FKBP1B: variants seen among roughly 807,000 people sequenced by gnomAD.
FKBP1B encodes FKBP prolyl isomerase 1B.
In FKBP1B, 4 loss-of-function variants were observed where a neutral mutation model predicts 13.5. That is an observed-to-expected ratio of 0.30 (90% CI 0.15 to 0.68). The LOEUF (loss-of-function observed/expected upper bound fraction) is 0.68. Among genes scored for constraint, FKBP1B ranks in the 30% least tolerant of loss-of-function variants. FKBP1B has a pLI of 0.76. For missense variants in FKBP1B, 93 were observed against 136.2 expected (o/e 0.68, Z 1.58); for synonymous variants, 54 against 53.6 (o/e 1.01, Z -0.03).
chr2:24,045,394 G>C (rs2150955645), upstream of FKBP1B, among the ~76,000 whole-genome samples: 1 of 150,134 alleles, frequency 6.7e-6, no homozygotes, highest in East Asian at 2.0e-4. Context: ...CTGAGGTCAG[G>C]AGTTCGACAC....
chr2:24,042,204 C>A, the FKBP1B span, among the ~76,000 whole-genome samples: 1 of 151,716 alleles, frequency 6.6e-6, no homozygotes, highest in South Asian at 2.1e-4. Context: ...GAGCTCAAAA[C>A]CAGCCTGACC....
At chr2:24,062,166 T>C (rs1160353378) in intron 3 of FKBP1B, among the ~76,000 whole-genome samples, 2 of 151,758 alleles carry the variant, frequency 1.3e-5, no homozygotes, top group East Asian at 3.9e-4. Flanking sequence ...GCCTGTTTTT[T>C]GTTTTTTATT....
At chr2:24,042,394 GGT>G in the FKBP1B span, among the ~76,000 whole-genome samples, 2 of 152,060 alleles carry the variant, frequency 1.3e-5, no homozygotes, top group South Asian at 2.1e-4. Context: ...AAATTAGCCA[GGT>G]GTGTTGGCGG....
At chr2:24,054,268 A>T (rs745647601) in intron 2 of FKBP1B, 3 of 528,480 alleles carry the variant, frequency 5.7e-6, no homozygotes, top group Non-Finnish European at 1.1e-5. Context: ...GGTCTGTCTG[A>T]TATTTGGAAA....
intron 2 of FKBP1B, among the ~76,000 whole-genome samples, chr2:24,057,374 T>G (rs12999050): frequency 2.7e-4 from 37 of 134,622 alleles, no homozygotes; most frequent in Admixed American, 1.9e-3. Flanking sequence ...TTTTTTTTGG[T>G]TTTTTTTTGT....
upstream of FKBP1B, chr2:24,045,803 A>G (rs576325712): frequency 6.6e-6 from 1 of 152,162 alleles, no homozygotes; most frequent in African/African-American, 2.4e-5. Flanking sequence ...GGAGACCCCA[A>G]TTCTACAGAA....
chr2:24,038,390 C>G, the FKBP1B span: 1 of 1,614,144 alleles, frequency 6.2e-7, no homozygotes, highest in African/African-American at 1.3e-5. Context: ...GATGGAATGA[C>G]AGAGTAGATC....
At chr2:24,040,754 C>A in the FKBP1B span, among the ~76,000 whole-genome samples, 3 of 152,210 alleles carry the variant, frequency 2.0e-5, no homozygotes, top group Non-Finnish European at 4.4e-5. Context: ...TGGTGACTCA[C>A]GCCTATAATC....
chr2:24,059,993 C>CA (rs1250667379), intron 2 of FKBP1B, among the ~76,000 whole-genome samples: 8 of 148,282 alleles, frequency 5.4e-5, no homozygotes, highest in African/African-American at 2.0e-4. Context: ...AAGGGGAGAA[C>CA]AGAGAGGGTT....
intron 2 of FKBP1B, among the ~76,000 whole-genome samples, chr2:24,059,195 G>A (rs371571009): frequency 3.5e-4 from 54 of 152,154 alleles, no homozygotes; most frequent in Non-Finnish European, 6.0e-4. Flanking sequence ...AGGGACTGCC[G>A]GGAGCAGTCG....
Position 24,049,894 on chromosome 2 carries a change from G to A in FKBP1B, c.37+8G>A. The A allele has an allele frequency of 7.1e-7, 1 of 1,408,552 alleles. No homozygotes were observed. Among genetic ancestry groups the A allele is most frequent in the South Asian group, 1.5e-5 (1 of 67,568 alleles). The allele number at this position is 1,408,552 out of a possible 1,614,324, so 87.3% of individuals were successfully genotyped here. The stretch of plus-strand genomic sequence containing the variant: ...CCATCTCCCCCGGAGACGGTACCGG[G>A]CTCCCTCCGGAGCCAGGGGAGGGGA... On this transcript the variant is annotated splice_region_variant and intron_variant, in intron 1 of 3. Coordinates refer to ENST00000380986, the MANE Select transcript of FKBP1B (RefSeq NM_004116.5).
At chr2:24,046,262 A>C (rs1462877543), upstream of FKBP1B, among the ~76,000 whole-genome samples, 2 of 152,220 alleles carry the variant, frequency 1.3e-5, no homozygotes, top group African/African-American at 2.4e-5. Flanking sequence ...CATAGGGTTA[A>C]TCATTAAAGT....
intron 2 of FKBP1B, among the ~76,000 whole-genome samples, chr2:24,060,342 A>G (rs1264250228): frequency 6.6e-6 from 1 of 152,134 alleles, no homozygotes; most frequent in African/African-American, 2.4e-5. Context: ...CCTGCAGTTC[A>G]GGAGTTCAAG....
the FKBP1B span, among the ~76,000 whole-genome samples, chr2:24,035,608 A>G: frequency 6.6e-6 from 1 of 152,120 alleles, no homozygotes; most frequent in Non-Finnish European, 1.5e-5. Flanking sequence ...TATAAATAAA[A>G]TAATTTTAAA....
Position 24,049,890 on chromosome 2 carries a change from C to T in FKBP1B, c.37+4C>T. The T allele has an allele frequency of 7.1e-7, 1 of 1,409,108 alleles. No individual in the cohort carries two copies. The highest frequency in any genetic ancestry group is 9.3e-7 in the Non-Finnish European group (1 of 1,079,764). The allele number at this position is 1,409,108 out of a possible 1,614,324, so 87.3% of individuals were successfully genotyped here. ...GAGACCATCTCCCCCGGAGACGGTA[C>T]CGGGCTCCCTCCGGAGCCAGGGGAG... On this transcript the variant is annotated splice_donor_region_variant and intron_variant, in intron 1 of 3. Coordinates refer to ENST00000380986, the MANE Select transcript of FKBP1B (RefSeq NM_004116.5).
At chr2:24,058,650 G>C (rs1664244369) in intron 2 of FKBP1B, among the ~76,000 whole-genome samples, 1 of 152,232 alleles carries the variant, frequency 6.6e-6, no homozygotes, top group African/African-American at 2.4e-5. Flanking sequence ...GTGCATATTT[G>C]TACAAGTATG....
At chr2:24,038,803 A>C in the FKBP1B span, 2 of 1,614,220 alleles carry the variant, frequency 1.2e-6, no homozygotes, top group South Asian at 2.2e-5. Flanking sequence ...AGATGCATTT[A>C]AGCCACAGAT....
upstream of FKBP1B, chr2:24,049,557 G>A: frequency 3.1e-6 from 1 of 322,000 alleles, no homozygotes; most frequent in Middle Eastern, 8.3e-4. Flanking sequence ...TGCTTACCAC[G>A]CTCCCTGGTC....
upstream of FKBP1B, among the ~76,000 whole-genome samples, chr2:24,048,031 G>A (rs1018580208): frequency 3.9e-5 from 6 of 152,180 alleles, no homozygotes; most frequent in African/African-American, 1.4e-4. Context: ...AAGCATCCGG[G>A]AGAGTGGGGA....
Sources: gnomAD v4.1 joint callset for allele counts (sites outside exome capture counted in the v4.1 genomes callset) on GRCh38, gnomAD v4.1.1 for gene constraint, MANE v1.5 for transcripts, NCBI Gene and HGNC (gene_info 2026-07-23, HGNC 2026-07-21) for gene names.